DHRSX: variants seen among roughly 807,000 people sequenced by gnomAD.
The protein encoded by DHRSX is dehydrogenase/reductase X-linked, also known as polyprenol dehydrogenase.
A neutral mutation model predicts 34.0 loss-of-function variants in DHRSX; 31 were observed. That is an observed-to-expected ratio of 0.91 (90% CI 0.69 to 1.23). The LOEUF (loss-of-function observed/expected upper bound fraction) is 1.23, where lower values mean the gene tolerates loss of function less well. Ranked by LOEUF, DHRSX falls within the 50% of genes most tolerant of loss-of-function variation. The pLI, the probability that DHRSX is intolerant of heterozygous loss-of-function variation, is 0.00. For synonymous variants in DHRSX, 201 were observed against 183.8 expected (o/e 1.09, Z -0.76); for missense variants, 414 against 428.1 (o/e 0.97, Z 0.29).
At chrX:2,474,974 T>A (rs1381049137) in intron 1 of DHRSX, among the ~76,000 whole-genome samples, 1 of 151,014 alleles carries the variant, frequency 6.6e-6, no homozygotes, top group South Asian at 2.1e-4. Context: ...TCCCTAGGCA[T>A]GTGGCCAAGG....
chrX:2,258,256 T>C (rs1023580008), intron 5 of DHRSX, among the ~76,000 whole-genome samples: 1 of 151,426 alleles, frequency 6.6e-6, no homozygotes, highest in African/African-American at 2.4e-5. Context: ...GAAGAGGAGA[T>C]GAGGACACAC....
chrX:2,338,659 C>A (rs1182054840), intron 3 of DHRSX, among the ~76,000 whole-genome samples: 1 of 152,076 alleles, frequency 6.6e-6, no homozygotes, highest in Non-Finnish European at 1.5e-5. Context: ...CGTGTGGTCT[C>A]TGTACACATA....
At chrX:2,458,526 C>T (rs1038013650) in intron 1 of DHRSX, among the ~76,000 whole-genome samples, 4 of 152,132 alleles carry the variant, frequency 2.6e-5, no homozygotes, top group Non-Finnish European at 5.9e-5. Flanking sequence ...CTACCATTTG[C>T]AGCAACATGG....
intron 4 of DHRSX, among the ~76,000 whole-genome samples, chrX:2,270,812 A>ATCAGCACTCTAAAATGGACCAT (rs2041541193): frequency 6.6e-6 from 1 of 152,180 alleles, no homozygotes; most frequent in East Asian, 1.9e-4. Flanking sequence ...AAAGGCACCA[A>ATCAGCACTCTAAAATGGACCAT]TCAGCACTCT....
intron 6 of DHRSX, among the ~76,000 whole-genome samples, chrX:2,236,215 G>A (rs2016012020): frequency 6.6e-6 from 1 of 152,178 alleles, no homozygotes; most frequent in African/African-American, 2.4e-5. Context: ...TTGGTGAGAT[G>A]ACCCATAAAG....
At chrX:2,371,695 CT>C (rs2043074081) in intron 3 of DHRSX, among the ~76,000 whole-genome samples, 2 of 148,996 alleles carry the variant, frequency 1.3e-5, no homozygotes, top group East Asian at 2.0e-4. Context: ...ATCACCGCCC[CT>C]CCTCCTCCCA....
In DHRSX at chrX:2,465,449, C is replaced by T. The variant is rs2044478403; in HGVS notation, c.109+35368G>A. 2.6e-5 allele frequency among the ~76,000 whole-genome samples: 4 copies of T among 152,208 alleles called. No homozygotes were observed. The South Asian group carries it at 8.3e-4, about 32-fold the overall frequency. On this transcript the variant is annotated intron_variant, in intron 1 of 6. Coordinates refer to ENST00000334651, the MANE Select transcript of DHRSX (RefSeq NM_145177.3). ...CAAAATCAAGCTGTGAGGAGTAAAA[C>T]TTTGGCAATGTCATTTCATCACAGC...
intron 3 of DHRSX, among the ~76,000 whole-genome samples, chrX:2,349,049 C>T (rs1009100327): frequency 3.3e-5 from 5 of 152,078 alleles, no homozygotes; most frequent in African/African-American, 9.7e-5. Flanking sequence ...TGTTCCTCTG[C>T]CACTGTTTCC....
At chrX:2,356,019 T>C (rs1422823324) in intron 3 of DHRSX, among the ~76,000 whole-genome samples, 3 of 150,566 alleles carry the variant, frequency 2.0e-5, no homozygotes, top group African/African-American at 4.9e-5. Context: ...TGAGCCGAGA[T>C]TGCGCCATTG....
intron 4 of DHRSX, among the ~76,000 whole-genome samples, chrX:2,282,874 GGA>G (rs912107731): frequency 7.0e-6 from 1 of 143,126 alleles, no homozygotes; most frequent in Non-Finnish European, 1.5e-5. Flanking sequence ...AGAGAGAGGG[GGA>G]GAGAGGGAGG....
chrX:2,268,312 T>C (rs1438726606), intron 4 of DHRSX, among the ~76,000 whole-genome samples: 1 of 152,240 alleles, frequency 6.6e-6, no homozygotes, highest in East Asian at 1.9e-4. Flanking sequence ...TGGATATTAA[T>C]GCCAATGTAG....
chrX:2,386,003 C>T (rs1372284594), intron 3 of DHRSX, among the ~76,000 whole-genome samples: 3 of 151,924 alleles, frequency 2.0e-5, no homozygotes, highest in Admixed American at 6.6e-5. Flanking sequence ...AAAACAGTCA[C>T]AGGCAATAAG....
intron 3 of DHRSX, 151 bp from the exon 4 acceptor site, chrX:2,291,754 A>C: frequency 3.1e-6 from 2 of 651,538 alleles, no homozygotes; most frequent in Admixed American, 2.5e-5. Flanking sequence ...CGCTCTGTTG[A>C]CCGGGCTGGA....
chrX:2,452,759 T>G (rs747138922), intron 1 of DHRSX, among the ~76,000 whole-genome samples: 2 of 149,792 alleles, frequency 1.3e-5, no homozygotes, highest in Non-Finnish European at 3.0e-5. Flanking sequence ...CATGTACACA[T>G]TGAAGACGTT....
intron 1 of DHRSX, among the ~76,000 whole-genome samples, chrX:2,481,087 T>A (rs2044762978): frequency 6.6e-6 from 1 of 152,176 alleles, no homozygotes; most frequent in African/African-American, 2.4e-5. Flanking sequence ...TATTGATATG[T>A]TAATTAGGTT....
intron 1 of DHRSX, among the ~76,000 whole-genome samples, chrX:2,462,808 A>T (rs1405954257): frequency 4.9e-5 from 6 of 123,060 alleles, no homozygotes; most frequent in South Asian, 3.3e-4. Context: ...TTATCAAATT[A>T]AAAAAAAAAA....
rs1164785933 is a variant in DHRSX at position 2,221,066 on chromosome X, G to T, written c.968C>A (p.Thr323Asn). 1.2e-6 allele frequency: 2 copies of T among 1,613,894 alleles called. No homozygotes were observed. The highest frequency in any genetic ancestry group is 4.5e-5 in the East Asian group (2 of 44,884). The change falls in exon 7 of 7, where the codon ACT becomes AAT. Residue 323 changes from threonine (T) to asparagine (N), a missense_variant. Coordinates refer to ENST00000334651, the MANE Select transcript of DHRSX (RefSeq NM_145177.3). ...QQLWSKSCEM[T>N]GVLDVTL ...TCACAGGGTCACATCAAGGACCCCAGTCATCTCACAACTCTTAGACCACAG... is the reference window on the plus strand; with the variant it reads ...TCACAGGGTCACATCAAGGACCCCATTCATCTCACAACTCTTAGACCACAG...
Position 2,421,853 on chromosome X carries a change from A to G in DHRSX, c.217+3344T>C, listed in dbSNP as rs767841884. Among the ~76,000 whole-genome samples the G allele has an allele frequency of 2.0e-5, 3 of 152,284 alleles. No individual in the cohort carries two copies. In the South Asian group the frequency reaches 6.2e-4, roughly 32 times the overall value. Reference sequence around the variant, plus strand: ...GTATATCACAGTTTTTATCGTATAGATGTAATGCATACAATGATGTGGAGA... The same window carrying G: ...GTATATCACAGTTTTTATCGTATAGGTGTAATGCATACAATGATGTGGAGA... On this transcript the variant is annotated intron_variant, in intron 2 of 6. Transcript: ENST00000334651.
At chrX:2,388,429 G>C (rs1324826047) in intron 3 of DHRSX, among the ~76,000 whole-genome samples, 1 of 152,124 alleles carries the variant, frequency 6.6e-6, no homozygotes, top group Non-Finnish European at 1.5e-5. Context: ...TATAAGAAGA[G>C]GAGATGAGGA....
Sources: gnomAD v4.1 joint callset for allele counts (sites outside exome capture counted in the v4.1 genomes callset) on GRCh38, gnomAD v4.1.1 for gene constraint, MANE v1.5 for transcripts, NCBI Gene and HGNC (gene_info 2026-07-23, HGNC 2026-07-21) for gene names.